The following ZMIZ1 variants were observed in gnomAD, a reference collection of about 807,000 sequenced individuals.
ZMIZ1 encodes the protein zinc finger MIZ-type containing 1, also known as zinc finger MIZ domain-containing protein 1.
A neutral mutation model predicts 113.9 loss-of-function variants in ZMIZ1; 17 were observed. The ratio of observed to expected loss-of-function variants is 0.15; its 90% CI spans 0.10 to 0.22. ZMIZ1 has a LOEUF of 0.22. Ranked by LOEUF, ZMIZ1 falls within the 10% of genes least tolerant of loss-of-function variation. The probability of loss-of-function intolerance (pLI) is 1.00; values close to 1 mark genes in which losing one functional copy is unlikely to be tolerated. For missense variants in ZMIZ1, 1,059 were observed against 1,477.8 expected (o/e 0.72, Z 4.65); for synonymous variants, 607 against 603.1 (o/e 1.01, Z -0.09).
At chr10:79,204,947 CAGAT>C (rs1394337835) in intron 5 of ZMIZ1, among the ~76,000 whole-genome samples, 16 of 150,722 alleles carry the variant, frequency 1.1e-4, no homozygotes, top group African/African-American at 2.4e-4. Flanking sequence ...GGCAAGGAGA[CAGAT>C]GGATGAATTG....
chr10:79,141,639 C>T (rs1365919467), intron 3 of ZMIZ1, among the ~76,000 whole-genome samples: 1 of 152,148 alleles, frequency 6.6e-6, no homozygotes, highest in East Asian at 1.9e-4. Flanking sequence ...AACTCCTGGA[C>T]TTAAGTGATC....
chr10:79,142,155 G>A (rs537394724), intron 3 of ZMIZ1, among the ~76,000 whole-genome samples: 1 of 152,296 alleles, frequency 6.6e-6, no homozygotes, highest in South Asian at 2.1e-4. Context: ...GGGGAGGGCT[G>A]CGTGAAGCTG....
In ZMIZ1 at chr10:79,163,030, AGGGTGACCTGTGTAATCCCT is replaced by A. The variant is rs369908005; in HGVS notation, c.-50+899_-50+918del. Among the ~76,000 whole-genome samples the A allele has an allele frequency of 8.8e-3, 1,345 of 152,316 alleles. 25 individuals carry two copies. The highest frequency in any genetic ancestry group is 0.031 in the African/African-American group (1,281 of 41,566). ...TTGATCTCACTTGGCCCTGTGCCCG[AGGGTGACCTGTGTAATCCCT>A]GTTTACTTGGCAACTCTCAACCTAG... is the stretch of plus-strand genomic sequence containing the variant. On this transcript the variant is annotated intron_variant, in intron 4 of 24. Transcript: ENST00000334512.
At chr10:79,284,765 C>A (rs1852955910) in intron 8 of ZMIZ1, among the ~76,000 whole-genome samples, 1 of 152,192 alleles carries the variant, frequency 6.6e-6, no homozygotes. Context: ...GACTGTAACT[C>A]CAGAGCCCAC....
At position 79,277,218 on chromosome 10, in the gene ZMIZ1, G is replaced by A. The variant is rs1347512263; in HGVS notation, c.318G>A (p.Leu106=). 2 of 1,584,894 alleles carry A rather than the reference G, an allele frequency of 1.3e-6. No individual in the cohort carries two copies. Among genetic ancestry groups the A allele is most frequent in the Admixed American group, 1.8e-5 (1 of 55,522 alleles). Residue 106 remains leucine (L), a synonymous_variant, in exon 8 of 25, where the codon CTG becomes CTA. Coordinates refer to ENST00000334512, the MANE Select transcript of ZMIZ1 (RefSeq NM_020338.4). ...LSSWCEELGR[L]LLLRHQKSRQ... is the part of the protein sequence containing the mutation. The stretch of plus-strand genomic sequence containing the variant: ...CCTGGTGCGAAGAGCTCGGCCGCCT[G>A]CTGCTGCTCCGACATCAGAAGAGCC...
chr10:79,095,980 C>A (rs1267585816), intron 1 of ZMIZ1, among the ~76,000 whole-genome samples: 1 of 152,202 alleles, frequency 6.6e-6, no homozygotes, highest in African/African-American at 2.4e-5. Context: ...ACAGGCCTCT[C>A]CCCTCTGTTT....
At chr10:79,142,506 C>T (rs1845311737) in intron 3 of ZMIZ1, among the ~76,000 whole-genome samples, 1 of 152,168 alleles carries the variant, frequency 6.6e-6, no homozygotes, top group South Asian at 2.1e-4. Flanking sequence ...AAGCAAGACT[C>T]TGCTGGGCAG....
At chr10:79,284,436 A>G (rs1564581127) in intron 8 of ZMIZ1, among the ~76,000 whole-genome samples, 1 of 151,906 alleles carries the variant, frequency 6.6e-6, no homozygotes, top group African/African-American at 2.4e-5. Flanking sequence ...TGAGAAGCAC[A>G]TTTTTTCTAG....
intron 4 of ZMIZ1, among the ~76,000 whole-genome samples, chr10:79,189,835 G>A (rs969898639): frequency 6.6e-6 from 1 of 152,216 alleles, no homozygotes; most frequent in African/African-American, 2.4e-5. Context: ...ATTGCCTGTG[G>A]GGTGTCCAGC....
intron 3 of ZMIZ1, among the ~76,000 whole-genome samples, chr10:79,148,582 A>C (rs1045891011): frequency 3.0e-4 from 46 of 152,298 alleles, no homozygotes; most frequent in African/African-American, 1.1e-3. Context: ...CTGGGTGGCC[A>C]GGGCTGAGGG....
At chr10:79,107,992 T>G (rs1358131905) in intron 1 of ZMIZ1, among the ~76,000 whole-genome samples, 1 of 152,108 alleles carries the variant, frequency 6.6e-6, no homozygotes, top group Non-Finnish European at 1.5e-5. Flanking sequence ...TTTCTGTCCT[T>G]CCTCTCAGCA....
intron 17 of ZMIZ1, 146 bp downstream of exon 17, chr10:79,301,088 C>T (rs1854269425): frequency 8.1e-6 from 10 of 1,231,974 alleles, no homozygotes. Context: ...GATACAGCGT[C>T]CCCTTACCTG....
At chr10:79,287,462 G>A (rs772273793) in intron 8 of ZMIZ1, among the ~76,000 whole-genome samples, 52 of 152,356 alleles carry the variant, frequency 3.4e-4, no homozygotes, top group Middle Eastern at 3.4e-3. Context: ...CAGAAATCAC[G>A]AGCAGCGCTC....
chr10:79,093,793 C>G (rs1843073195), intron 1 of ZMIZ1, among the ~76,000 whole-genome samples: 1 of 152,230 alleles, frequency 6.6e-6, no homozygotes, highest in African/African-American at 2.4e-5. Flanking sequence ...TCTTCAGGGC[C>G]TCTCTCTGGG....
chr10:79,109,849 G>C (rs189046222), intron 1 of ZMIZ1, among the ~76,000 whole-genome samples: 1 of 152,374 alleles, frequency 6.6e-6, no homozygotes, highest in East Asian at 1.9e-4. Context: ...AGGACAAAAG[G>C]GGTGCAGAAA....
chr10:79,279,545 C>T (rs1852563752), intron 8 of ZMIZ1, among the ~76,000 whole-genome samples: 1 of 152,184 alleles, frequency 6.6e-6, no homozygotes, highest in Admixed American at 6.5e-5. Context: ...AGACGCTCCT[C>T]ACTTCCTAGA....
intron 8 of ZMIZ1, among the ~76,000 whole-genome samples, chr10:79,286,341 TGGCGTCACATCAGCAGGGCTGCTGTGGG>T (rs765107246): frequency 6.6e-6 from 1 of 152,342 alleles, no homozygotes; most frequent in Non-Finnish European, 1.5e-5. Context: ...GTCTAGGCAG[TGGCGTCACATCAGCAGGGCTGCTGTGGG>T]GGCCTGCGGG....
chr10:79,102,718 T>A (rs1359619946), intron 1 of ZMIZ1, among the ~76,000 whole-genome samples: 1 of 152,242 alleles, frequency 6.6e-6, no homozygotes, highest in East Asian at 1.9e-4. Flanking sequence ...GCTGCTTTGC[T>A]GCCGTAGGCT....
chr10:79,302,963 G>A (rs766385579), intron 18 of ZMIZ1, among the ~76,000 whole-genome samples: 10 of 150,670 alleles, frequency 6.6e-5, no homozygotes, highest in Admixed American at 1.3e-4. Flanking sequence ...CTAGGTTCAC[G>A]CCATTCTCCT....
Sources: allele counts gnomAD v4.1 joint callset (sites outside exome capture counted in the v4.1 genomes callset), GRCh38; gene constraint gnomAD v4.1.1; transcripts MANE v1.5; gene names NCBI Gene and HGNC (gene_info 2026-07-23, HGNC 2026-07-21).